The following GRIN2A variants were observed in gnomAD, a reference collection of about 807,000 sequenced individuals.
GRIN2A encodes the protein glutamate ionotropic receptor NMDA type subunit 2A.
In GRIN2A, 22 loss-of-function variants were observed where a neutral mutation model predicts 113.4. That is an observed-to-expected ratio of 0.19 (90% CI 0.14 to 0.28). The LOEUF (loss-of-function observed/expected upper bound fraction) is 0.28, where lower values mean the gene tolerates loss of function less well. Among genes scored for constraint, GRIN2A ranks in the 10% least tolerant of loss-of-function variants. The pLI is 1.00. For synonymous variants in GRIN2A, 827 were observed against 738.4 expected (o/e 1.12, Z -1.94); for missense variants, 1,502 against 1,887.0 (o/e 0.80, Z 3.78).
intron 4 of GRIN2A, among the ~76,000 whole-genome samples, chr16:9,887,150 G>A (rs1481817758): frequency 6.6e-6 from 1 of 152,120 alleles, no homozygotes; most frequent in Non-Finnish European, 1.5e-5. Context: ...GCCTCCCAAA[G>A]TGCTAGGATT....
At chr16:9,779,782 G>A (rs532613101) in intron 11 of GRIN2A, among the ~76,000 whole-genome samples, 1 of 152,254 alleles carries the variant, frequency 6.6e-6, no homozygotes, top group South Asian at 2.1e-4. Flanking sequence ...GTGCTCCTCT[G>A]ACCTCCTCTC....
intron 10 of GRIN2A, among the ~76,000 whole-genome samples, chr16:9,812,304 A>C (rs575540702): frequency 6.6e-6 from 1 of 152,248 alleles, no homozygotes; most frequent in East Asian, 1.9e-4. Flanking sequence ...AGTACCTGGC[A>C]CTCAGGTAAG....
intron 2 of GRIN2A, among the ~76,000 whole-genome samples, chr16:10,153,645 G>A (rs1034860188): frequency 6.6e-6 from 1 of 152,134 alleles, no homozygotes; most frequent in Non-Finnish European, 1.5e-5. Context: ...AAATTTTGTA[G>A]CCAGAGCTAA....
intron 2 of GRIN2A, among the ~76,000 whole-genome samples, chr16:10,013,237 G>A (rs2046542215): frequency 6.6e-6 from 1 of 152,140 alleles, no homozygotes; most frequent in Admixed American, 6.5e-5. Flanking sequence ...AGCCTCTGAG[G>A]TCCAGGGTGT....
chr16:10,130,719 C>G (rs2049043863), intron 2 of GRIN2A, among the ~76,000 whole-genome samples: 1 of 152,208 alleles, frequency 6.6e-6, no homozygotes, highest in Non-Finnish European at 1.5e-5. Flanking sequence ...CTCTCTCTCT[C>G]CTTCTCGCTT....
chr16:9,757,070 T>C lies in GRIN2A; in HGVS notation c.*6079A>G. On this transcript the variant is annotated 3_prime_UTR_variant, in exon 13 of 13. Transcript: ENST00000330684. ...AAGCTTTAGGGAAATGCTTCGTCTT[T>C]TTACATCATGGTCTATTTTCTAATC... is the stretch of plus-strand genomic sequence containing the variant. 4.8e-6 allele frequency: 1 copy of C among 208,128 alleles called. No homozygotes were observed. Among genetic ancestry groups the C allele is most frequent in the East Asian group, 7.3e-5 (1 of 13,736 alleles). The allele number at this position is 208,128 out of a possible 1,614,324, so 12.9% of individuals were successfully genotyped here. A position where few individuals can be genotyped will look rare whatever the true frequency, so the allele number is the denominator to read the frequency against.
At chr16:10,165,043 T>A (rs1201124481) in intron 2 of GRIN2A, among the ~76,000 whole-genome samples, 1 of 152,196 alleles carries the variant, frequency 6.6e-6, no homozygotes, top group East Asian at 1.9e-4. Flanking sequence ...AGTTTTAAAA[T>A]TCTTTAATTT....
intron 2 of GRIN2A, among the ~76,000 whole-genome samples, chr16:9,944,022 G>A (rs987945163): frequency 3.9e-5 from 6 of 152,300 alleles, no homozygotes; most frequent in Admixed American, 1.3e-4. Flanking sequence ...GGGGAAGGAT[G>A]AGAGGGGCAG....
intron 10 of GRIN2A, among the ~76,000 whole-genome samples, chr16:9,799,093 G>A (rs893670574): frequency 6.6e-6 from 1 of 152,202 alleles, no homozygotes; most frequent in Non-Finnish European, 1.5e-5. Context: ...CATACACAGA[G>A]ATTGGCAAAC....
intron 2 of GRIN2A, chr16:10,036,961 T>C (rs1438026520): frequency 6.6e-6 from 1 of 152,110 alleles, no homozygotes; most frequent in Non-Finnish European, 1.5e-5. Flanking sequence ...CTTCAACATA[T>C]ATTTTGTTTT....
In GRIN2A at chr16:9,906,463, C is replaced by CT. The variant is rs536403391; in HGVS notation, c.1008-15364dup. Among the ~76,000 whole-genome samples the CT allele has an allele frequency of 2.9e-4, 44 of 152,304 alleles. 2 individuals are homozygous for CT. In the South Asian group the frequency reaches 9.1e-3, roughly 32 times the overall value. ...GATAATAGATCTTCCCCCACGAACCCTGGAGGGCATCTCTGGCCACAGAGA... is the reference window on the plus strand; with the variant it reads ...GATAATAGATCTTCCCCCACGAACCCTTGGAGGGCATCTCTGGCCACAGAGA... On this transcript the variant is annotated intron_variant, in intron 3 of 12. Transcript: ENST00000330684.
intron 3 of GRIN2A, among the ~76,000 whole-genome samples, chr16:9,929,556 C>T (rs187924083): frequency 1.4e-4 from 21 of 152,282 alleles, no homozygotes; most frequent in Non-Finnish European, 1.3e-4. Flanking sequence ...CTTCCTCTTT[C>T]CTAGACCTGT....
At chr16:10,062,929 G>A (rs2047573401) in intron 2 of GRIN2A, among the ~76,000 whole-genome samples, 1 of 151,962 alleles carries the variant, frequency 6.6e-6, no homozygotes, top group Non-Finnish European at 1.5e-5. Context: ...GCACTCATAT[G>A]TTCGCTGCAG....
At chr16:9,828,511 G>A (rs751643310) in intron 9 of GRIN2A, among the ~76,000 whole-genome samples, 3 of 152,162 alleles carry the variant, frequency 2.0e-5, no homozygotes, top group African/African-American at 4.8e-5. Context: ...ATATGTTAGC[G>A]AGGTTTTATA....
intron 4 of GRIN2A, among the ~76,000 whole-genome samples, chr16:9,860,180 G>T (rs1323146175): frequency 1.3e-5 from 2 of 152,018 alleles, no homozygotes; most frequent in African/African-American, 2.4e-5. Flanking sequence ...TATGAAACAG[G>T]CATGGTGGCT....
At chr16:9,884,678 C>G (rs1056852096) in intron 4 of GRIN2A, among the ~76,000 whole-genome samples, 2 of 151,408 alleles carry the variant, frequency 1.3e-5, no homozygotes, top group Admixed American at 1.3e-4. Context: ...ATTTATTACT[C>G]AAGGCTCAAC....
At chr16:10,165,279 TTA>T (rs2049889155) in intron 2 of GRIN2A, among the ~76,000 whole-genome samples, 2 of 151,930 alleles carry the variant, frequency 1.3e-5, no homozygotes. Flanking sequence ...ATCTATAAAA[TTA>T]TATAGTGTGT....
chr16:10,101,828 G>A (rs79159798), intron 2 of GRIN2A, among the ~76,000 whole-genome samples: 1,831 of 152,308 alleles, frequency 0.012, 13 homozygotes, highest in South Asian at 0.029. Flanking sequence ...CACTCTAGGA[G>A]GGAATGGTTA....
chr16:10,111,431 G>A, intron 2 of GRIN2A: 1 of 558,502 alleles, frequency 1.8e-6, no homozygotes, highest in Non-Finnish European at 3.3e-6. Flanking sequence ...CCCCAGGACT[G>A]GCTCACCGTG....
Sources: allele counts gnomAD v4.1 joint callset (sites outside exome capture counted in the v4.1 genomes callset), GRCh38; gene constraint gnomAD v4.1.1; transcripts MANE v1.5; gene names NCBI Gene and HGNC (gene_info 2026-07-23, HGNC 2026-07-21).